The following SCLT1 variants were observed in gnomAD, a reference collection of about 807,000 sequenced individuals.
The protein encoded by SCLT1 is sodium channel-associated protein 1.
In SCLT1, 78 loss-of-function variants were observed where a neutral mutation model predicts 112.8. That is an observed-to-expected ratio of 0.69 (90% confidence interval 0.58 to 0.83). The LOEUF is 0.83. Among genes scored for constraint, SCLT1 ranks in the 40% least tolerant of loss-of-function variants. The probability of loss-of-function intolerance (pLI) is 0.00; values close to 1 mark genes in which losing one functional copy is unlikely to be tolerated. For synonymous variants in SCLT1, 257 were observed against 254.7 expected (o/e 1.01, Z -0.09); for missense variants, 747 against 770.4 (o/e 0.97, Z 0.36).
chr4:128,885,799 T>C (rs1434707446), intron 20 of SCLT1, among the ~76,000 whole-genome samples: 15 of 152,242 alleles, frequency 9.9e-5, no homozygotes, highest in Admixed American at 9.8e-4. Context: ...GCACAATGCA[T>C]TTCCAAACTT....
At chr4:129,090,464 T>C (rs750009358) in intron 1 of SCLT1, among the ~76,000 whole-genome samples, 5 of 152,204 alleles carry the variant, frequency 3.3e-5, no homozygotes, top group Non-Finnish European at 7.4e-5. Flanking sequence ...GTATGAACCA[T>C]AGATCTAAAT....
chr4:129,070,755 T>G (rs1407590171), intron 2 of SCLT1, among the ~76,000 whole-genome samples: 1 of 152,146 alleles, frequency 6.6e-6, no homozygotes, highest in African/African-American at 2.4e-5. Flanking sequence ...TTTGCTTGCT[T>G]GTTTGTTTCA....
At chr4:129,001,820 A>G (rs1239661331) in intron 6 of SCLT1, among the ~76,000 whole-genome samples, 1 of 152,078 alleles carries the variant, frequency 6.6e-6, no homozygotes, top group Admixed American at 6.6e-5. Context: ...TTGCTGTTCA[A>G]TAATGATAAT....
chr4:128,915,683 A>G (rs1376200234), intron 18 of SCLT1, among the ~76,000 whole-genome samples: 1 of 152,212 alleles, frequency 6.6e-6, no homozygotes, highest in African/African-American at 2.4e-5. Context: ...TTGGCCTAGA[A>G]AAGAAACAAT....
At chr4:129,062,495 A>C (rs1750075705) in intron 2 of SCLT1, among the ~76,000 whole-genome samples, 1 of 152,042 alleles carries the variant, frequency 6.6e-6, no homozygotes, top group African/African-American at 2.4e-5. Context: ...ATGAGTTGAT[A>C]GTTTCATGTT....
At chr4:128,973,364 C>A (rs1740858718) in intron 9 of SCLT1, among the ~76,000 whole-genome samples, 2 of 150,198 alleles carry the variant, frequency 1.3e-5, no homozygotes, top group Admixed American at 6.7e-5. Flanking sequence ...TAGCATAGTA[C>A]CTGGGGCATA....
chr4:129,010,401 C>CT (rs1286194152), intron 5 of SCLT1, among the ~76,000 whole-genome samples: 14 of 152,232 alleles, frequency 9.2e-5, no homozygotes, highest in Non-Finnish European at 1.5e-4. Context: ...TATCTGGACT[C>CT]TTTTTTCGTT....
rs1743746158 is a variant in SCLT1 at position 129,003,806 on chromosome 4, T to C, written c.361A>G (p.Thr121Ala). 1 of 1,612,358 alleles carries C rather than the reference T, an allele frequency of 6.2e-7. No homozygotes were observed. Among genetic ancestry groups the C allele is most frequent in the African/African-American group, 1.3e-5 (1 of 74,876 alleles). Reference protein sequence around the residue: ...EAFPLGTEVGTDIYADDETVR... With the variant: ...EAFPLGTEVGADIYADDETVR... Reference sequence around the variant, plus strand: ...GTTTCATCATCTGCATATATGTCAGTTCCTACCTCTGTGCCCAGGGGAAAG... The same window carrying C: ...GTTTCATCATCTGCATATATGTCAGCTCCTACCTCTGTGCCCAGGGGAAAG... Residue 121 changes from threonine (T) to alanine (A), a missense_variant, in exon 6 of 21, where the codon ACT (threonine) becomes GCT (alanine). This residue lies in a region of SCLT1 where 723 missense variants were observed against 721.3 expected (regional missense o/e 1.00). Transcript: ENST00000281142.
chr4:129,057,957 G>T (rs1017172002), intron 2 of SCLT1, among the ~76,000 whole-genome samples: 2 of 151,918 alleles, frequency 1.3e-5, no homozygotes, highest in Non-Finnish European at 2.9e-5. Context: ...TCACCATGTT[G>T]GCCAGGCTGC....
At chr4:128,998,263 T>G (rs1743177683) in intron 7 of SCLT1, among the ~76,000 whole-genome samples, 1 of 151,906 alleles carries the variant, frequency 6.6e-6, no homozygotes, top group Middle Eastern at 3.2e-3. Context: ...AAATTCTAAA[T>G]GCTAGAGAGA....
downstream of SCLT1, among the ~76,000 whole-genome samples, chr4:128,882,507 C>G (rs1732664314): frequency 6.6e-6 from 1 of 152,056 alleles, no homozygotes; most frequent in African/African-American, 2.4e-5. Context: ...TTTGTGAGTT[C>G]ATTCAACAAA....
chr4:129,082,190 C>G (rs1751999685), intron 2 of SCLT1, 116 bp downstream of exon 2: 1 of 448,500 alleles, frequency 2.2e-6, no homozygotes, highest in Non-Finnish European at 4.0e-6. Flanking sequence ...GATTTACTTT[C>G]ATTAAGCAAA....
intron 18 of SCLT1, among the ~76,000 whole-genome samples, chr4:128,898,271 A>G (rs1168738990): frequency 6.6e-6 from 1 of 152,240 alleles, no homozygotes; most frequent in Non-Finnish European, 1.5e-5. Flanking sequence ...ACATAGTTGG[A>G]AGTAAAGCAC....
At chr4:128,992,307 G>T in intron 8 of SCLT1, 70 bp from the exon 9 acceptor site, 1 of 952,106 alleles carries the variant, frequency 1.1e-6, no homozygotes, top group Non-Finnish European at 1.6e-6. Flanking sequence ...TGACACATCA[G>T]ACATACAAGT....
At chr4:128,908,342 A>C (rs1734840612) in intron 18 of SCLT1, among the ~76,000 whole-genome samples, 1 of 148,808 alleles carries the variant, frequency 6.7e-6, no homozygotes, top group African/African-American at 2.5e-5. Context: ...GTATTTTGTA[A>C]TTTGCTGGTA....
At position 128,953,527 on chromosome 4, in the gene SCLT1, A is replaced by G. The variant is rs911240657; in HGVS notation, c.1147-687T>C. Among the ~76,000 whole-genome samples, 16 of 152,244 alleles carry G rather than the reference A, an allele frequency of 1.1e-4. No individual in the cohort carries two copies. The East Asian group carries it at 2.9e-3, about 28-fold the overall frequency. ...AACTGCTGCTATAAAGCAAGTCAAAATTTAATTAATAACTTCTAAGGTTTT... is the reference window on the plus strand; with the variant it reads ...AACTGCTGCTATAAAGCAAGTCAAAGTTTAATTAATAACTTCTAAGGTTTT... On this transcript the variant is annotated intron_variant, in intron 13 of 20. Coordinates refer to ENST00000281142, the MANE Select transcript of SCLT1 (RefSeq NM_144643.4).
At position 129,093,485 on chromosome 4, in the gene SCLT1, G is replaced by A. The variant is rs73848904; in HGVS notation, c.-382C>T. The A allele has an allele frequency of 0.011, 2,399 of 218,562 alleles. 55 individuals carry two copies. The highest frequency in any genetic ancestry group is 0.046 in the African/African-American group (2,048 of 44,058). 13.5% of individuals were successfully genotyped at this position (218,562 alleles called of 1,614,324 possible). ...CGGCGTTCTACGCGGAGCGGCGGGG[G>A]TTGGAGAGGACAACGCCAAGACGGC... On this transcript the variant is annotated 5_prime_UTR_variant, in exon 1 of 21. Coordinates refer to ENST00000281142, the MANE Select transcript of SCLT1 (RefSeq NM_144643.4).
intron 1 of SCLT1, among the ~76,000 whole-genome samples, chr4:129,088,112 C>A (rs906983658): frequency 6.6e-5 from 10 of 151,216 alleles, no homozygotes; most frequent in Non-Finnish European, 1.5e-4. Flanking sequence ...AAGCTGAACA[C>A]ACTAAAATTT....
At chr4:128,905,699 T>C (rs141988725) in intron 18 of SCLT1, among the ~76,000 whole-genome samples, 150 of 152,304 alleles carry the variant, frequency 9.8e-4, no homozygotes, top group African/African-American at 3.5e-3. Context: ...TTCCTAACAC[T>C]GGACCTTTAC....
Sources: gnomAD v4.1 joint callset for allele counts (sites outside exome capture counted in the v4.1 genomes callset) on GRCh38, gnomAD v4.1.1 for gene constraint, gnomAD v4.1.1 regional missense constraint, MANE v1.5 for transcripts, NCBI Gene and HGNC (gene_info 2026-07-23, HGNC 2026-07-21) for gene names.